Variants in PRDM16 observed in about 807,000 individuals in gnomAD.
The protein encoded by PRDM16 is histone-lysine N-methyltransferase PRDM16.
PRDM16 carries 23 observed loss-of-function variants against 110.6 expected under a neutral mutation model. The observed-to-expected ratio is 0.21, with a 90% confidence interval of 0.15 to 0.29. The LOEUF (loss-of-function observed/expected upper bound fraction) is 0.29, where lower values mean the gene tolerates loss of function less well. PRDM16 is among the 10% of genes least tolerant of loss of function. The probability of loss-of-function intolerance (pLI) is 1.00; values close to 1 mark genes in which losing one functional copy is unlikely to be tolerated. For missense variants in PRDM16, 1,615 were observed against 1,794.3 expected (o/e 0.90, Z 1.81); for synonymous variants, 799 against 781.8 (o/e 1.02, Z -0.37).
Position 3,431,068 on chromosome 1 carries a change from C to A in PRDM16, c.3481C>A (p.Pro1161Thr). The stretch of plus-strand genomic sequence containing the variant: ...CTACGAGGATGAGGAGGATGAGGAG[C>A]CAGCCGCCTCCCTGGCCGTGGGCTT... ...AAYEDEEDEE[P>T]AASLAVGFDH... The change falls in exon 15 of 17, where the codon CCA becomes ACA. Residue 1161 changes from proline to threonine, a missense_variant. Transcript: ENST00000270722. The A allele has an allele frequency of 6.4e-7, 1 of 1,553,602 alleles. No individual in the cohort carries two copies. Among genetic ancestry groups the A allele is most frequent in the Non-Finnish European group, 8.7e-7 (1 of 1,148,896 alleles).
At chr1:3,260,713 G>T (rs2100249631) in intron 3 of PRDM16, among the ~76,000 whole-genome samples, 2 of 1,252 alleles carry the variant, frequency 1.6e-3, no homozygotes, top group Non-Finnish European at 5.3e-3. Context: ...GATGGTGGTG[G>T]GGTGATGACG....
chr1:3,123,112 C>T (rs772709039), intron 1 of PRDM16, among the ~76,000 whole-genome samples: 2 of 152,212 alleles, frequency 1.3e-5, no homozygotes, highest in African/African-American at 2.4e-5. Context: ...GTTGCTGTGT[C>T]GGCTGTGTGC....
chr1:3,191,305 G>A (rs1052044907), intron 2 of PRDM16, among the ~76,000 whole-genome samples: 4 of 152,174 alleles, frequency 2.6e-5, no homozygotes, highest in African/African-American at 9.7e-5. Flanking sequence ...CAAATGCACT[G>A]TATCTGGGCC....
intron 1 of PRDM16, among the ~76,000 whole-genome samples, chr1:3,152,405 T>C (rs78300977): frequency 3.6e-5 from 4 of 111,224 alleles, no homozygotes; most frequent in South Asian, 2.6e-4. Flanking sequence ...TCCATCCATT[T>C]ATCCATCCAT....
chr1:3,115,439 G>C (rs1642934689), intron 1 of PRDM16, among the ~76,000 whole-genome samples: 1 of 152,196 alleles, frequency 6.6e-6, no homozygotes, highest in Non-Finnish European at 1.5e-5. Context: ...GATTGTGTCA[G>C]CTTGAGAGAG....
intron 3 of PRDM16, among the ~76,000 whole-genome samples, chr1:3,383,648 G>A (rs897524234): frequency 5.3e-5 from 8 of 152,026 alleles, no homozygotes; most frequent in Non-Finnish European, 1.0e-4. Flanking sequence ...CAGCATCTGA[G>A]GGTCAGCCAG....
chr1:3,361,248 C>T (rs1223582596), intron 3 of PRDM16, among the ~76,000 whole-genome samples: 1 of 152,166 alleles, frequency 6.6e-6, no homozygotes, highest in Non-Finnish European at 1.5e-5. Context: ...CCCCTGGGAC[C>T]CTCCTCAGCA....
intron 1 of PRDM16, among the ~76,000 whole-genome samples, chr1:3,142,292 G>A (rs1333529160): frequency 2.6e-5 from 4 of 152,206 alleles, no homozygotes; most frequent in South Asian, 4.1e-4. Context: ...TTGCAAAATC[G>A]AGTGAAAACA....
At chr1:3,264,994 C>T (rs901189665) in intron 3 of PRDM16, among the ~76,000 whole-genome samples, 6 of 151,838 alleles carry the variant, frequency 4.0e-5, no homozygotes, top group African/African-American at 4.8e-5. Flanking sequence ...AGGGGTCAAG[C>T]AGACAGATGC....
chr1:3,304,913 C>T (rs910810316), intron 3 of PRDM16, among the ~76,000 whole-genome samples: 5 of 152,272 alleles, frequency 3.3e-5, no homozygotes, highest in African/African-American at 9.6e-5. Context: ...GCCTGCCCTC[C>T]GCTGCCACCC....
chr1:3,418,632 T>C (rs1638340198), intron 11 of PRDM16, 35 bp from the exon 12 acceptor site: 1 of 1,446,418 alleles, frequency 6.9e-7, no homozygotes, highest in Non-Finnish European at 9.7e-7. Flanking sequence ...CCCACCCTAA[T>C]CCTCCCTCAC....
At chr1:3,139,311 C>T (rs1324642889) in intron 1 of PRDM16, among the ~76,000 whole-genome samples, 2 of 152,164 alleles carry the variant, frequency 1.3e-5, no homozygotes, top group African/African-American at 2.4e-5. Context: ...CCGAGCCGTG[C>T]AGATGAGACC....
At chr1:3,197,733 C>A (rs925935394) in intron 2 of PRDM16, among the ~76,000 whole-genome samples, 1 of 152,182 alleles carries the variant, frequency 6.6e-6, no homozygotes, top group Non-Finnish European at 1.5e-5. Context: ...TGTGGCCTGG[C>A]GGCTCCCTGG....
Position 3,144,143 on chromosome 1 carries a change from G to A in PRDM16, c.38-41982G>A, listed in dbSNP as rs540222793. Among the ~76,000 whole-genome samples the A allele has an allele frequency of 5.2e-4, 79 of 152,306 alleles. No homozygotes were observed. The South Asian group carries it at 9.3e-3, about 18-fold the overall frequency. On this transcript the variant is annotated intron_variant, in intron 1 of 16. Coordinates refer to ENST00000270722, the MANE Select transcript of PRDM16 (RefSeq NM_022114.4). ...ATCTGCCACCTGGACCCAGCACTATGGGAGGGACAACTCGTGACCAGCCCC... is the reference window on the plus strand; with the variant it reads ...ATCTGCCACCTGGACCCAGCACTATAGGAGGGACAACTCGTGACCAGCCCC...
At chr1:3,129,275 TGTGTCCTGCCTGGTGTGTGCGTGTCA>T (rs1359854835) in intron 1 of PRDM16, among the ~76,000 whole-genome samples, 3 of 150,540 alleles carry the variant, frequency 2.0e-5, no homozygotes, top group African/African-American at 4.9e-5. Context: ...CATGTGTGTG[TGTGTCCTGCCTGGTGTGTGCGTGTCA>T]GTGTCCTGCC....
At chr1:3,153,044 G>A (rs1643804040) in intron 1 of PRDM16, among the ~76,000 whole-genome samples, 1 of 152,236 alleles carries the variant, frequency 6.6e-6, no homozygotes, top group African/African-American at 2.4e-5. Flanking sequence ...GCCTGGGGCC[G>A]GGGCCAGCCA....
chr1:3,285,669 C>A (rs547112488), intron 3 of PRDM16, among the ~76,000 whole-genome samples: 5 of 152,334 alleles, frequency 3.3e-5, no homozygotes, highest in Admixed American at 6.5e-5. Flanking sequence ...CGTCTCTGGT[C>A]CCTGGACGGC....
chr1:3,336,328 ATG>A (rs755423929), intron 3 of PRDM16, among the ~76,000 whole-genome samples: 5 of 150,172 alleles, frequency 3.3e-5, no homozygotes, highest in Admixed American at 6.6e-5. Context: ...GTACATGCAC[ATG>A]TGTGTACATG....
At chr1:3,142,931 C>T (rs1643580549) in intron 1 of PRDM16, among the ~76,000 whole-genome samples, 3 of 152,224 alleles carry the variant, frequency 2.0e-5, no homozygotes, top group African/African-American at 7.2e-5. Context: ...ATCAACTGCC[C>T]CCTGGCCGGG....
Sources: allele counts gnomAD v4.1 joint callset (sites outside exome capture counted in the v4.1 genomes callset), GRCh38; gene constraint gnomAD v4.1.1; transcripts MANE v1.5; gene names NCBI Gene and HGNC (gene_info 2026-07-23, HGNC 2026-07-21).